CFTR: variants seen among roughly 807,000 people sequenced by gnomAD.
The protein encoded by CFTR is CF transmembrane conductance regulator.
CFTR carries 181 observed loss-of-function variants against 171.6 expected under a neutral mutation model. That is an observed-to-expected ratio of 1.05 (90% confidence interval 0.93 to 1.19). The LOEUF (loss-of-function observed/expected upper bound fraction) is 1.19, where lower values mean the gene tolerates loss of function less well. Among genes scored for constraint, CFTR ranks in the 50% most tolerant of loss-of-function variants. The pLI is 0.00. For synonymous variants in CFTR, 583 were observed against 608.0 expected, an observed-to-expected ratio of 0.96 and a Z score of 0.60; for missense variants, 1,968 against 1,734.7, an observed-to-expected ratio of 1.13 and a Z score of -2.39.
chr7:117,567,464 A>G (rs1345327901), intron 11 of CFTR, among the ~76,000 whole-genome samples: 8 of 152,214 alleles, frequency 5.3e-5, no homozygotes, highest in African/African-American at 1.7e-4. Flanking sequence ...GAAATGGCAG[A>G]TTGTATTCCC....
chr7:117,602,324 C>A (rs1231641485), intron 15 of CFTR, among the ~76,000 whole-genome samples: 25 of 152,268 alleles, frequency 1.6e-4, no homozygotes, highest in Admixed American at 1.6e-3. Context: ...GTGTGAGCCA[C>A]TGTGCCTGGC....
At chr7:117,637,110 C>A (rs1228187685) in intron 22 of CFTR, among the ~76,000 whole-genome samples, 4 of 152,156 alleles carry the variant, frequency 2.6e-5, no homozygotes, top group Admixed American at 6.5e-5. Context: ...AGCCACCATG[C>A]CCTGCCTTTA....
intron 22 of CFTR, among the ~76,000 whole-genome samples, chr7:117,636,145 A>G (rs533797154): frequency 1.3e-5 from 2 of 152,286 alleles, no homozygotes; most frequent in East Asian, 3.9e-4. Flanking sequence ...ACAGAACTCT[A>G]GATTGGTGAT....
chr7:117,535,168 C>A, intron 5 of CFTR, 80 bp from the exon 6 acceptor site: 1 of 1,475,996 alleles, frequency 6.8e-7, no homozygotes, highest in Non-Finnish European at 9.5e-7. Context: ...CTTTTACTTG[C>A]TTTCTTTCAT....
At chr7:117,498,705 T>G (rs1798275924) in intron 1 of CFTR, among the ~76,000 whole-genome samples, 1 of 152,198 alleles carries the variant, frequency 6.6e-6, no homozygotes, top group African/African-American at 2.4e-5. Flanking sequence ...TCATAGTCAC[T>G]TATCAAAATA....
chr7:117,574,378 T>C (rs894995628), intron 11 of CFTR, among the ~76,000 whole-genome samples: 4 of 152,110 alleles, frequency 2.6e-5, no homozygotes, highest in African/African-American at 9.7e-5. Flanking sequence ...TTTTATTTTA[T>C]TCCAGATTCA....
chr7:117,525,460 C>T lies in CFTR; in HGVS notation c.274-5439C>T, dbSNP rs371779267. On this transcript the variant is annotated intron_variant, in intron 3 of 26. Coordinates refer to ENST00000003084, the MANE Select transcript of CFTR (RefSeq NM_000492.4). Reference sequence around the variant, plus strand: ...CTTGTTGACTTTCTGTCTCGTTGATCTGTCTAATGTTGACAGTGGGGTGTT... The same window carrying T: ...CTTGTTGACTTTCTGTCTCGTTGATTTGTCTAATGTTGACAGTGGGGTGTT... 4.3e-4 allele frequency among the ~76,000 whole-genome samples: 47 copies of T among 109,190 alleles called. No homozygotes were observed. The East Asian group carries it at 0.011, about 26-fold the overall frequency. 71.6% of individuals were successfully genotyped at this position (109,190 alleles called of 152,430 possible).
At chr7:117,659,656 T>G (rs1362194525) in intron 24 of CFTR, among the ~76,000 whole-genome samples, 1 of 152,240 alleles carries the variant, frequency 6.6e-6, no homozygotes, top group African/African-American at 2.4e-5. Context: ...AAGTACAATG[T>G]CTGTTGATTT....
chr7:117,539,836 T>C (rs1287303792), intron 7 of CFTR, among the ~76,000 whole-genome samples: 1 of 151,104 alleles, frequency 6.6e-6, no homozygotes, highest in African/African-American at 2.4e-5. Context: ...AATTTAAAAA[T>C]AATATTTATA....
intron 3 of CFTR, among the ~76,000 whole-genome samples, chr7:117,518,257 A>G (rs183278609): frequency 2.0e-5 from 3 of 148,766 alleles, no homozygotes; most frequent in South Asian, 2.1e-4. Context: ...CTATATATAT[A>G]TGTCACATAT....
At position 117,667,258 on chromosome 7, in the gene CFTR, G is replaced by A. The variant is rs766514320; in HGVS notation, c.*150G>A. On this transcript the variant is annotated 3_prime_UTR_variant, in exon 27 of 27. Transcript: ENST00000003084. ...TTTTTTTTTAAAAAAGAAACATTTG[G>A]TAAGGGGAATTGAGGACACTGATAT... The A allele has an allele frequency of 5.3e-6, 4 of 759,018 alleles. No individual in the cohort carries two copies. Among genetic ancestry groups the A allele is most frequent in the Non-Finnish European group, 6.9e-6 (3 of 436,394 alleles). The allele number at this position is 759,018 out of a possible 1,614,324, so 47.0% of individuals were successfully genotyped here.
At chr7:117,532,957 C>T (rs1448922790) in intron 4 of CFTR, among the ~76,000 whole-genome samples, 1 of 152,086 alleles carries the variant, frequency 6.6e-6, no homozygotes, top group Non-Finnish European at 1.5e-5. Flanking sequence ...GGGACCTTTC[C>T]TACAATGTTC....
intron 1 of CFTR, among the ~76,000 whole-genome samples, chr7:117,484,868 A>G (rs1324686824): frequency 1.3e-5 from 2 of 152,080 alleles, no homozygotes; most frequent in Admixed American, 6.6e-5. Flanking sequence ...ATATTCTTAT[A>G]TACTTATAAG....
At chr7:117,542,258 G>T in intron 9 of CFTR, 150 bp downstream of exon 9, 1 of 636,080 alleles carries the variant, frequency 1.6e-6, no homozygotes, top group Non-Finnish European at 2.9e-6. Context: ...TCTAGATTAA[G>T]AAGTAGAGGA....
chr7:117,646,309 G>A (rs2116179339), intron 23 of CFTR, among the ~76,000 whole-genome samples: 1 of 152,138 alleles, frequency 6.6e-6, no homozygotes, highest in African/African-American at 2.4e-5. Context: ...TATAATATTG[G>A]AGGTATATAC....
chr7:117,623,167 A>T (rs1792606335), intron 21 of CFTR, among the ~76,000 whole-genome samples: 1 of 152,208 alleles, frequency 6.6e-6, no homozygotes, highest in African/African-American at 2.4e-5. Flanking sequence ...ACTTATGTCA[A>T]GTATTCTTCC....
At chr7:117,638,766 TAATAA>T (rs1792867539) in intron 22 of CFTR, among the ~76,000 whole-genome samples, 1 of 148,976 alleles carries the variant, frequency 6.7e-6, no homozygotes, top group African/African-American at 2.5e-5. Context: ...AATAAATAAA[TAATAA>T]AAATAAAAAA....
rs1554392063 is a variant in CFTR at position 117,610,707 on chromosome 7, AG to A, written c.3139+39del. The A allele has an allele frequency of 1.2e-6, 2 of 1,605,652 alleles. No homozygotes were observed. Among genetic ancestry groups the A allele is most frequent in the Non-Finnish European group, 1.7e-6 (2 of 1,173,534 alleles). The stretch of plus-strand genomic sequence containing the variant: ...ATGTGCGATACTCATCTTGTAAAAA[AG>A]CTATAAGAGCTATTTGAGATTCTTT... On this transcript the variant is annotated intron_variant, in intron 19 of 26. Transcript: ENST00000003084.
intron 3 of CFTR, among the ~76,000 whole-genome samples, chr7:117,513,535 A>T (rs909902843): frequency 6.6e-6 from 1 of 151,922 alleles, no homozygotes; most frequent in Non-Finnish European, 1.5e-5. Flanking sequence ...TTGCAGGTCC[A>T]CTTCTATCTG....
Sources: gnomAD v4.1 joint callset for allele counts (sites outside exome capture counted in the v4.1 genomes callset) on GRCh38, gnomAD v4.1.1 for gene constraint, MANE v1.5 for transcripts, NCBI Gene and HGNC (gene_info 2026-07-23, HGNC 2026-07-21) for gene names.